Variants in OXR1 observed in about 807,000 individuals in gnomAD.
The protein encoded by OXR1 is oxidation resistance protein 1.
OXR1 carries 41 observed loss-of-function variants against 104.6 expected under a neutral mutation model. The observed-to-expected ratio is 0.39, with a 90% CI of 0.31 to 0.51. The LOEUF is 0.51. Ranked by LOEUF, OXR1 falls within the 20% of genes least tolerant of loss-of-function variation. OXR1 has a pLI of 0.77. For missense variants in OXR1, 955 were observed against 1,031.9 expected (o/e 0.93, Z 1.02); for synonymous variants, 348 against 348.4 (o/e 1.00, Z 0.01).
chr8:106,427,210 C>T (rs1954750), intron 2 of OXR1, among the ~76,000 whole-genome samples: 42,462 of 151,884 alleles, frequency 0.28, 6,040 homozygotes, highest in South Asian at 0.38. Flanking sequence ...CTTGCTCTGT[C>T]GCCCAGGCTG....
Position 106,706,725 on chromosome 8 carries a change from A to G in OXR1, c.1204A>G (p.Thr402Ala), listed in dbSNP as rs1831176880. The G allele has an allele frequency of 6.2e-7, 1 of 1,611,688 alleles. No homozygotes were observed. Among genetic ancestry groups the G allele is most frequent in the Non-Finnish European group, 8.5e-7 (1 of 1,179,366 alleles). Reference protein sequence around the residue: ...GHLRSDTEHSTNEVGTLCHKT... With the variant: ...GHLRSDTEHSANEVGTLCHKT... ...CTTAAGATCTGATACTGAACATTCT[A>G]CAAATGAAGTTGGGACTTTATGTCA... Residue 402 changes from threonine to alanine, a missense_variant, in exon 9 of 17, where the codon ACA (threonine) becomes GCA (alanine). Transcript: ENST00000517566.
At chr8:106,309,060 C>G (rs1330703017) in intron 1 of OXR1, among the ~76,000 whole-genome samples, 1 of 151,688 alleles carries the variant, frequency 6.6e-6, no homozygotes, top group African/African-American at 2.4e-5. Context: ...CTCACTGCAG[C>G]CTGGCACTCC....
At chr8:106,376,049 A>G (rs1414369916) in intron 2 of OXR1, among the ~76,000 whole-genome samples, 1 of 152,002 alleles carries the variant, frequency 6.6e-6, no homozygotes, top group Non-Finnish European at 1.5e-5. Context: ...GGGTCTCAGT[A>G]TGTTACCCAG....
At chr8:106,527,296 C>T (rs1295257575) in intron 3 of OXR1, among the ~76,000 whole-genome samples, 1 of 152,122 alleles carries the variant, frequency 6.6e-6, no homozygotes, top group Non-Finnish European at 1.5e-5. Flanking sequence ...CACCATGGTA[C>T]CTGCTCTCAT....
intron 1 of OXR1, among the ~76,000 whole-genome samples, chr8:106,325,678 G>A (rs1814441667): frequency 1.3e-5 from 2 of 152,066 alleles, no homozygotes; most frequent in South Asian, 4.1e-4. Context: ...AAATTTGCCA[G>A]TCACATTTAT....
chr8:106,512,693 G>T (rs1483839856), intron 2 of OXR1, among the ~76,000 whole-genome samples: 1 of 152,126 alleles, frequency 6.6e-6, no homozygotes, highest in Non-Finnish European at 1.5e-5. Flanking sequence ...GAGCATGATA[G>T]ACGAGGAAAG....
intron 7 of OXR1, chr8:106,697,417 G>A: frequency 6.8e-7 from 1 of 1,466,358 alleles, no homozygotes; most frequent in Middle Eastern, 1.8e-4. Flanking sequence ...CAAGGCCTGG[G>A]GTGGGATCAA....
At chr8:106,412,580 A>T (rs1277357959) in intron 2 of OXR1, among the ~76,000 whole-genome samples, 1 of 144,926 alleles carries the variant, frequency 6.9e-6, no homozygotes, top group Middle Eastern at 3.2e-3. Flanking sequence ...CGGAACAACC[A>T]TTATCATTTT....
intron 1 of OXR1, among the ~76,000 whole-genome samples, chr8:106,324,020 A>G (rs1375326573): frequency 6.6e-6 from 1 of 152,236 alleles, no homozygotes; most frequent in East Asian, 1.9e-4. Flanking sequence ...GTATATACCC[A>G]GAGGAATATA....
chr8:106,481,417 G>A (rs191708107), intron 2 of OXR1, among the ~76,000 whole-genome samples: 1 of 151,952 alleles, frequency 6.6e-6, no homozygotes, highest in African/African-American at 2.4e-5. Context: ...TTTCAATATT[G>A]ATTTTTTAAA....
intron 11 of OXR1, chr8:106,726,356 C>A: frequency 1.1e-6 from 1 of 940,136 alleles, no homozygotes; most frequent in Non-Finnish European, 1.5e-6. Flanking sequence ...CTAGTCTTTT[C>A]ATGGTGACAT....
intron 1 of OXR1, chr8:106,272,172 C>T (rs1051306019): frequency 4.6e-5 from 7 of 152,138 alleles, no homozygotes; most frequent in African/African-American, 1.7e-4. Flanking sequence ...TTTTGAACAG[C>T]AAAGATTTCA....
At chr8:106,571,560 C>T (rs1817473058) in intron 3 of OXR1, among the ~76,000 whole-genome samples, 1 of 152,114 alleles carries the variant, frequency 6.6e-6, no homozygotes, top group Non-Finnish European at 1.5e-5. Context: ...CTCCCCTGAC[C>T]TTCCAAAATT....
intron 3 of OXR1, among the ~76,000 whole-genome samples, chr8:106,650,569 T>A (rs747676659): frequency 6.6e-6 from 1 of 152,196 alleles, no homozygotes; most frequent in Non-Finnish European, 1.5e-5. Context: ...TAGAATGGGC[T>A]TATGGGAAAC....
chr8:106,722,869 C>G (rs1212818314), intron 11 of OXR1, among the ~76,000 whole-genome samples: 1 of 152,068 alleles, frequency 6.6e-6, no homozygotes, highest in Non-Finnish European at 1.5e-5. Flanking sequence ...AACTTTTAGA[C>G]TGTTTATGTT....
At chr8:106,692,128 C>CAGA (rs1163373633) in intron 6 of OXR1, among the ~76,000 whole-genome samples, 2 of 151,966 alleles carry the variant, frequency 1.3e-5, no homozygotes, top group East Asian at 3.8e-4. Context: ...CATTCCAAAA[C>CAGA]ATTCTGAGAA....
At chr8:106,324,576 C>A (rs1814381494) in intron 1 of OXR1, among the ~76,000 whole-genome samples, 1 of 150,992 alleles carries the variant, frequency 6.6e-6, no homozygotes, top group South Asian at 2.1e-4. Context: ...AACTCTCTGG[C>A]AATACATGTT....
chr8:106,291,470 A>T (rs1464175996), intron 1 of OXR1, among the ~76,000 whole-genome samples: 5 of 152,204 alleles, frequency 3.3e-5, no homozygotes, highest in Non-Finnish European at 7.3e-5. Context: ...ATTAAATTGC[A>T]TCATTCTTGG....
At chr8:106,492,406 G>T (rs1241091189) in intron 2 of OXR1, among the ~76,000 whole-genome samples, 3 of 152,164 alleles carry the variant, frequency 2.0e-5, no homozygotes, top group African/African-American at 7.2e-5. Context: ...TAGCCTCAGA[G>T]AATCTAAAGC....
Sources: gnomAD v4.1 joint callset for allele counts (sites outside exome capture counted in the v4.1 genomes callset) on GRCh38, gnomAD v4.1.1 for gene constraint, MANE v1.5 for transcripts, NCBI Gene and HGNC (gene_info 2026-07-23, HGNC 2026-07-21) for gene names.